OR51B5: variants seen among roughly 807,000 people sequenced by gnomAD.
OR51B5 encodes the protein olfactory receptor family 51 subfamily B member 5.
For synonymous variants in OR51B5, 186 were observed against 144.8 expected, an observed-to-expected ratio of 1.28 and a Z score of -2.04; for missense variants, 456 against 374.6, an observed-to-expected ratio of 1.22 and a Z score of -1.79.
At chr11:5,380,529 C>T (rs10837953) in intron 1 of OR51B5, among the ~76,000 whole-genome samples, 19,366 of 152,048 alleles carry the variant, frequency 0.13, 1,347 homozygotes, top group Non-Finnish European at 0.16. Flanking sequence ...TGTTGTGAGT[C>T]TGGAGACATT....
At chr11:5,480,448 C>T (rs1462893102) in intron 1 of OR51B5, among the ~76,000 whole-genome samples, 2 of 150,920 alleles carry the variant, frequency 1.3e-5, no homozygotes, top group African/African-American at 2.4e-5. Context: ...ATTAAAAGAA[C>T]TAGAAAAGCA....
chr11:5,356,677 G>A (rs1444005852), intron 1 of OR51B5, among the ~76,000 whole-genome samples: 1 of 125,114 alleles, frequency 8.0e-6, no homozygotes, highest in Non-Finnish European at 1.8e-5. Flanking sequence ...ATAATTGTCA[G>A]ATTCACCAAA....
intron 1 of OR51B5, among the ~76,000 whole-genome samples, chr11:5,458,114 G>C (rs1850988595): frequency 6.6e-6 from 1 of 152,094 alleles, no homozygotes. Context: ...TTATGCTTAA[G>C]TTTTTAATTT....
intron 1 of OR51B5, chr11:5,389,687 T>G (rs1319320185): frequency 6.2e-7 from 1 of 1,613,736 alleles, no homozygotes; most frequent in South Asian, 1.1e-5. Context: ...TATGGGGATC[T>G]TCTGGTTTAA....
At chr11:5,430,391 T>C (rs1224647274) in intron 1 of OR51B5, among the ~76,000 whole-genome samples, 1 of 152,166 alleles carries the variant, frequency 6.6e-6, no homozygotes, top group Non-Finnish European at 1.5e-5. Context: ...GGAAAATCCA[T>C]TACTTCTGCC....
intron 1 of OR51B5, among the ~76,000 whole-genome samples, chr11:5,375,217 A>C (rs191708899): frequency 0.087 from 11,179 of 128,012 alleles, 806 homozygotes; most frequent in South Asian, 0.12. Flanking sequence ...CACAGAATTT[A>C]ATATCCAGCC....
At chr11:5,499,279 A>ATTCTTTGACCTATTTCTGTGAATAGGT (rs367893536) in intron 1 of OR51B5, among the ~76,000 whole-genome samples, 5 of 2,370 alleles carry the variant, frequency 2.1e-3, no homozygotes, top group Admixed American at 4.9e-3. Flanking sequence ...GCCTTTGGTT[A>ATTCTTTGACCTATTTCTGTGAATAGGT]CTCTTTGACC....
At chr11:5,376,092 C>G (rs866441033) in intron 1 of OR51B5, among the ~76,000 whole-genome samples, 1 of 151,882 alleles carries the variant, frequency 6.6e-6, no homozygotes, top group Non-Finnish European at 1.5e-5. Flanking sequence ...TATAAAAGAA[C>G]AGAAATTATA....
At chr11:5,359,950 G>A (rs1474193967) in intron 1 of OR51B5, among the ~76,000 whole-genome samples, 1 of 152,124 alleles carries the variant, frequency 6.6e-6, no homozygotes, top group Admixed American at 6.6e-5. Flanking sequence ...TACGCAGAAA[G>A]CTGAAACTGG....
At chr11:5,414,716 C>T (rs1051861592) in intron 1 of OR51B5, among the ~76,000 whole-genome samples, 5 of 152,294 alleles carry the variant, frequency 3.3e-5, no homozygotes, top group Admixed American at 6.5e-5. Flanking sequence ...ATCAATTCAA[C>T]AAGAAGAGCT....
At chr11:5,371,040 C>G (rs1310764699) in intron 1 of OR51B5, among the ~76,000 whole-genome samples, 1 of 152,080 alleles carries the variant, frequency 6.6e-6, no homozygotes, top group Non-Finnish European at 1.5e-5. Context: ...CTGGTTTTTC[C>G]AAGAGCAGAT....
chr11:5,350,452 A>G (rs1849061837), intron 1 of OR51B5, among the ~76,000 whole-genome samples: 1 of 152,142 alleles, frequency 6.6e-6, no homozygotes, highest in Non-Finnish European at 1.5e-5. Flanking sequence ...AGGTGGGCCT[A>G]TTTTCTCTGG....
At chr11:5,446,475 G>A (rs995357647) in intron 1 of OR51B5, among the ~76,000 whole-genome samples, 1 of 152,104 alleles carries the variant, frequency 6.6e-6, no homozygotes, top group Non-Finnish European at 1.5e-5. Flanking sequence ...AGTCTATTAT[G>A]CCATGTTCAA....
chr11:5,349,425 T>C (rs1164039150), intron 1 of OR51B5, among the ~76,000 whole-genome samples: 1 of 152,044 alleles, frequency 6.6e-6, no homozygotes, highest in African/African-American at 2.4e-5. Context: ...ATTTATCAAT[T>C]ATATGTTTAT....
chr11:5,407,776 A>G (rs1450068091), intron 1 of OR51B5, among the ~76,000 whole-genome samples: 2 of 151,758 alleles, frequency 1.3e-5, no homozygotes, highest in African/African-American at 4.8e-5. Context: ...ATAAATTTCA[A>G]TGTTATTCAA....
intron 1 of OR51B5, among the ~76,000 whole-genome samples, chr11:5,379,520 G>A (rs1317452292): frequency 1.3e-5 from 2 of 151,180 alleles, no homozygotes; most frequent in African/African-American, 4.9e-5. Context: ...TATTTTTTCA[G>A]GTTTCCGTTG....
chr11:5,376,124 A>T lies in OR51B5; in HGVS notation n.85-29214T>A, dbSNP rs1345956471. On this transcript the variant is annotated intron_variant and non_coding_transcript_variant, in intron 1 of 4. Transcript: ENST00000415970. ...TATAACAAACTGTCTCTCAGACCAC[A>T]GTGCAATCAAACTAGAACTCAGGAT... 2.0e-5 allele frequency among the ~76,000 whole-genome samples: 3 copies of T among 152,174 alleles called. No individual in the cohort carries two copies. In the East Asian group the frequency reaches 5.8e-4, roughly 29 times the overall value.
chr11:5,420,386 CAGT>C (rs1475075578), intron 1 of OR51B5, among the ~76,000 whole-genome samples: 1 of 152,028 alleles, frequency 6.6e-6, no homozygotes, highest in Non-Finnish European at 1.5e-5. Context: ...TTTTTGGATG[CAGT>C]TGAACATTGT....
In OR51B5 at chr11:5,357,447, C is replaced by T. The variant is rs565612565; in HGVS notation, n.85-10537G>A. 6.6e-5 allele frequency among the ~76,000 whole-genome samples: 10 copies of T among 151,526 alleles called. 1 individual carries two copies. In the East Asian group the frequency reaches 1.9e-3, roughly 29 times the overall value. On this transcript the variant is annotated intron_variant and non_coding_transcript_variant, in intron 1 of 4. Coordinates refer to the OR51B5 transcript ENST00000415970. ...CTAACTATCCTAAACATATATGCACCCAATACAGGAACACCCAGGTTCATA... is the reference window on the plus strand; with the variant it reads ...CTAACTATCCTAAACATATATGCACTCAATACAGGAACACCCAGGTTCATA...
Sources: allele counts gnomAD v4.1 joint callset (sites outside exome capture counted in the v4.1 genomes callset), GRCh38; gene constraint gnomAD v4.1.1; transcripts MANE v1.5; gene names NCBI Gene and HGNC (gene_info 2026-07-23, HGNC 2026-07-21).